Variants in SRD5A2 observed in about 807,000 individuals in gnomAD.
SRD5A2 encodes the protein steroid 5 alpha-reductase 2.
Under a neutral mutation model 27.4 loss-of-function variants are expected in SRD5A2, and 30 were observed. That is an observed-to-expected ratio of 1.10 (90% confidence interval 0.82 to 1.49). The LOEUF is 1.49. Among genes scored for constraint, SRD5A2 ranks in the 40% most tolerant of loss-of-function variants. The pLI is 0.00. For missense variants in SRD5A2, 348 were observed against 323.4 expected, an observed-to-expected ratio of 1.08 and a Z score of -0.58; for synonymous variants, 141 against 133.6, an observed-to-expected ratio of 1.06 and a Z score of -0.38.
At chr2:31,599,358 C>T in the SRD5A2 span, among the ~76,000 whole-genome samples, 1 of 151,974 alleles carries the variant, frequency 6.6e-6, no homozygotes, top group Non-Finnish European at 1.5e-5. Flanking sequence ...ACAGAATATA[C>T]TTTATTTTCC....
chr2:31,533,868 G>A, intron 1 of SRD5A2, 102 bp from the exon 2 acceptor site: 1 of 1,336,846 alleles, frequency 7.5e-7, no homozygotes, highest in Non-Finnish European at 1.0e-6. Flanking sequence ...ACAAAAACCA[G>A]GCTCTGCCAT....
At chr2:31,570,371 T>A (rs1666826113) in intron 1 of SRD5A2, among the ~76,000 whole-genome samples, 1 of 152,016 alleles carries the variant, frequency 6.6e-6, no homozygotes, top group South Asian at 2.1e-4. Flanking sequence ...TAAAGAAACA[T>A]AATTCAAAAT....
At chr2:31,607,504 G>GA in the SRD5A2 span, among the ~76,000 whole-genome samples, 158 of 144,960 alleles carry the variant, frequency 1.1e-3, no homozygotes, top group South Asian at 1.8e-3. Context: ...TAAAATACTG[G>GA]AAAAAAAAAA....
At chr2:31,578,593 A>C (rs923746911) in intron 1 of SRD5A2, among the ~76,000 whole-genome samples, 1 of 152,224 alleles carries the variant, frequency 6.6e-6, no homozygotes, top group South Asian at 2.1e-4. Context: ...GCTTCAAAGA[A>C]AGAATTCAAA....
chr2:31,631,538 C>T, the SRD5A2 span, among the ~76,000 whole-genome samples: 28 of 152,108 alleles, frequency 1.8e-4, no homozygotes, highest in African/African-American at 3.4e-4. Flanking sequence ...TTCGGCCCAG[C>T]CAGAGTGTAC....
the SRD5A2 span, among the ~76,000 whole-genome samples, chr2:31,635,213 T>C: frequency 2.6e-5 from 4 of 152,128 alleles, no homozygotes; most frequent in Admixed American, 6.5e-5. Flanking sequence ...TTATTGTTAT[T>C]GCCACTTTTT....
chr2:31,625,002 C>T, the SRD5A2 span, among the ~76,000 whole-genome samples: 1 of 152,184 alleles, frequency 6.6e-6, no homozygotes, highest in East Asian at 1.9e-4. Context: ...CCTATTTCCA[C>T]ACATCCTCTC....
the SRD5A2 span, among the ~76,000 whole-genome samples, chr2:31,610,364 G>A: frequency 1.3e-5 from 2 of 152,112 alleles, no homozygotes; most frequent in African/African-American, 2.4e-5. Context: ...ATGAAGAGAT[G>A]CTTCAACATA....
chr2:31,607,399 T>A, the SRD5A2 span, among the ~76,000 whole-genome samples: 2 of 151,788 alleles, frequency 1.3e-5, no homozygotes, highest in African/African-American at 4.8e-5. Context: ...AAGTCAGTAA[T>A]AGAAAAACAG....
the SRD5A2 span, among the ~76,000 whole-genome samples, chr2:31,631,567 G>T: frequency 6.6e-6 from 1 of 152,064 alleles, no homozygotes; most frequent in East Asian, 1.9e-4. Flanking sequence ...TTTCCTGTCA[G>T]ACTTGAAGCA....
upstream of SRD5A2, among the ~76,000 whole-genome samples, chr2:31,585,559 G>A (rs1667160451): frequency 6.6e-6 from 1 of 152,162 alleles, no homozygotes; most frequent in Non-Finnish European, 1.5e-5. Flanking sequence ...TGGGCCAGAA[G>A]GGAACCCACT....
the SRD5A2 span, among the ~76,000 whole-genome samples, chr2:31,609,513 A>C: frequency 6.6e-6 from 1 of 152,154 alleles, no homozygotes; most frequent in Non-Finnish European, 1.5e-5. Flanking sequence ...TTCGATGGGG[A>C]AAGAATAGTC....
At chr2:31,604,137 T>C in the SRD5A2 span, among the ~76,000 whole-genome samples, 1 of 151,752 alleles carries the variant, frequency 6.6e-6, no homozygotes, top group Non-Finnish European at 1.5e-5. Flanking sequence ...TACCTCAACA[T>C]AACAAAAGCT....
intron 1 of SRD5A2, among the ~76,000 whole-genome samples, chr2:31,568,348 C>T (rs1361063905): frequency 6.6e-6 from 1 of 152,142 alleles, no homozygotes; most frequent in Admixed American, 6.6e-5. Context: ...GTCCCGTGTC[C>T]GGGAACAATG....
chr2:31,619,400 T>C, the SRD5A2 span, among the ~76,000 whole-genome samples: 1 of 152,160 alleles, frequency 6.6e-6, no homozygotes, highest in East Asian at 1.9e-4. Context: ...GTAATGAACA[T>C]ACACATGCAT....
At chr2:31,573,401 G>A (rs1666891461) in intron 1 of SRD5A2, among the ~76,000 whole-genome samples, 1 of 152,186 alleles carries the variant, frequency 6.6e-6, no homozygotes, top group Non-Finnish European at 1.5e-5. Context: ...TCTCGTTAAA[G>A]GCTCCTGGGT....
upstream of SRD5A2, chr2:31,581,108 G>A: frequency 1.7e-6 from 1 of 579,528 alleles, no homozygotes; most frequent in Non-Finnish European, 3.0e-6. Context: ...GGTGGCCGGA[G>A]GAGAACGAAG....
chr2:31,535,677 C>A (rs559697886), intron 1 of SRD5A2, among the ~76,000 whole-genome samples: 2 of 152,268 alleles, frequency 1.3e-5, no homozygotes, highest in South Asian at 2.1e-4. Context: ...CCTCCCACCC[C>A]ACCCAATCAC....
At chr2:31,582,716 C>T (rs977925013), upstream of SRD5A2, among the ~76,000 whole-genome samples, 1 of 152,164 alleles carries the variant, frequency 6.6e-6, no homozygotes, top group Admixed American at 6.5e-5. Flanking sequence ...TCAAAACCAG[C>T]CCTACCCAAA....
Sources: allele counts gnomAD v4.1 joint callset (sites outside exome capture counted in the v4.1 genomes callset), GRCh38; gene constraint gnomAD v4.1.1; transcripts MANE v1.5; gene names NCBI Gene and HGNC (gene_info 2026-07-23, HGNC 2026-07-21).